The following RPS6KC1 variants were observed in gnomAD, a reference collection of about 807,000 sequenced individuals.
The protein encoded by RPS6KC1 is inactive ribosomal protein S6 kinase delta-1.
In RPS6KC1, 54 loss-of-function variants were observed where a neutral mutation model predicts 103.8. The observed-to-expected ratio is 0.52, with a 90% CI of 0.42 to 0.65. The LOEUF (loss-of-function observed/expected upper bound fraction) is 0.65. Among genes scored for constraint, RPS6KC1 ranks in the 30% least tolerant of loss-of-function variants. The pLI, the probability that RPS6KC1 is intolerant of heterozygous loss-of-function variation, is 0.00. For synonymous variants in RPS6KC1, 439 were observed against 438.7 expected (o/e 1.00, Z -0.01); for missense variants, 1,151 against 1,253.8 (o/e 0.92, Z 1.24).
At chr1:213,782,735 T>A in the RPS6KC1 span, among the ~76,000 whole-genome samples, 3 of 152,100 alleles carry the variant, frequency 2.0e-5, no homozygotes, top group Non-Finnish European at 4.4e-5. Context: ...AACGAGGTCA[T>A]TTCATGAAAG....
the RPS6KC1 span, among the ~76,000 whole-genome samples, chr1:213,798,639 G>A: frequency 6.6e-6 from 1 of 152,094 alleles, no homozygotes; most frequent in Non-Finnish European, 1.5e-5. Context: ...GTCTTGTTTG[G>A]GCAGAAGAGG....
At chr1:213,545,337 C>A in the RPS6KC1 span, among the ~76,000 whole-genome samples, 1 of 150,436 alleles carries the variant, frequency 6.6e-6, no homozygotes, top group Admixed American at 6.6e-5. Context: ...GGCCACTGCA[C>A]TCCAGCCTGG....
chr1:213,740,513 C>T, the RPS6KC1 span, among the ~76,000 whole-genome samples: 3 of 152,032 alleles, frequency 2.0e-5, no homozygotes, highest in Admixed American at 6.6e-5. Context: ...GATTCAGCTT[C>T]GTCCTTGGAC....
the RPS6KC1 span, among the ~76,000 whole-genome samples, chr1:213,737,308 G>T: frequency 6.6e-6 from 1 of 152,154 alleles, no homozygotes; most frequent in East Asian, 1.9e-4. Context: ...TTGGGGGGTT[G>T]TTGTTTGTTT....
chr1:213,264,519 C>T (rs7530520), intron 14 of RPS6KC1, among the ~76,000 whole-genome samples: 149,127 of 152,264 alleles, frequency 0.98, 73,103 homozygotes, highest in East Asian at 1. Flanking sequence ...TAATAAGTTA[C>T]CAAGTTCTGC....
intron 3 of RPS6KC1, among the ~76,000 whole-genome samples, chr1:213,084,730 A>G (rs895768965): frequency 2.6e-5 from 4 of 151,980 alleles, no homozygotes; most frequent in East Asian, 3.8e-4. Flanking sequence ...TGTTTTCATT[A>G]TATTGGCATT....
the RPS6KC1 span, among the ~76,000 whole-genome samples, chr1:213,768,270 A>T: frequency 6.6e-6 from 1 of 152,198 alleles, no homozygotes; most frequent in African/African-American, 2.4e-5. Context: ...TTTCAGCAGG[A>T]CCAAGACTGG....
chr1:213,394,550 G>A, the RPS6KC1 span, among the ~76,000 whole-genome samples: 3 of 151,954 alleles, frequency 2.0e-5, no homozygotes, highest in South Asian at 2.1e-4. Flanking sequence ...ACTGCTCTAC[G>A]CCTTATAGAG....
the RPS6KC1 span, among the ~76,000 whole-genome samples, chr1:213,814,350 T>G: frequency 6.6e-6 from 1 of 152,222 alleles, no homozygotes; most frequent in Non-Finnish European, 1.5e-5. Flanking sequence ...AAGGGCCAAC[T>G]TGCTGGGCAT....
the RPS6KC1 span, among the ~76,000 whole-genome samples, chr1:213,610,461 CGAG>C: frequency 1.3e-5 from 2 of 152,042 alleles, no homozygotes; most frequent in East Asian, 1.9e-4. Flanking sequence ...TTTGCAAGAG[CGAG>C]GAGGAGATTT....
intron 5 of RPS6KC1, among the ~76,000 whole-genome samples, chr1:213,126,316 CAG>C (rs1428006432): frequency 3.9e-5 from 6 of 151,996 alleles, no homozygotes; most frequent in African/African-American, 1.4e-4. Flanking sequence ...GCTGAAATGT[CAG>C]AGGACTGAAA....
chr1:213,612,514 G>A, the RPS6KC1 span, among the ~76,000 whole-genome samples: 10 of 152,148 alleles, frequency 6.6e-5, no homozygotes, highest in Non-Finnish European at 1.5e-4. Flanking sequence ...GAGATTAATG[G>A]CTACCTTCCA....
chr1:213,845,621 G>C, the RPS6KC1 span, among the ~76,000 whole-genome samples: 1 of 152,082 alleles, frequency 6.6e-6, no homozygotes, highest in South Asian at 2.1e-4. Flanking sequence ...TAAGAATCTT[G>C]TTATGTGAAG....
At chr1:213,198,015 C>CT (rs1487156581) in intron 8 of RPS6KC1, among the ~76,000 whole-genome samples, 9 of 151,658 alleles carry the variant, frequency 5.9e-5, no homozygotes, top group South Asian at 4.2e-4. Flanking sequence ...AAACCATGGC[C>CT]TTTTTTTTCA....
At chr1:213,705,510 C>G in the RPS6KC1 span, among the ~76,000 whole-genome samples, 1 of 152,194 alleles carries the variant, frequency 6.6e-6, no homozygotes, top group Non-Finnish European at 1.5e-5. Context: ...GGGACTCACC[C>G]TTCAGGCAGT....
chr1:213,303,036 A>C, the RPS6KC1 span, among the ~76,000 whole-genome samples: 1 of 152,140 alleles, frequency 6.6e-6, no homozygotes, highest in African/African-American at 2.4e-5. Context: ...GGGCACACTA[A>C]AGATTTGAGT....
chr1:213,711,116 A>T, the RPS6KC1 span, among the ~76,000 whole-genome samples: 2 of 152,188 alleles, frequency 1.3e-5, no homozygotes, highest in Admixed American at 6.5e-5. Context: ...ATGTTTTCCA[A>T]CTTGGTTCCA....
chr1:213,421,443 T>G, the RPS6KC1 span, among the ~76,000 whole-genome samples: 3,055 of 152,266 alleles, frequency 0.02, 100 homozygotes, highest in African/African-American at 0.07. Flanking sequence ...GAGGACACAA[T>G]TAAATCCTAA....
the RPS6KC1 span, among the ~76,000 whole-genome samples, chr1:213,389,107 A>T: frequency 1.3e-5 from 2 of 151,274 alleles, no homozygotes; most frequent in Admixed American, 1.3e-4. Flanking sequence ...GTTTGAATGG[A>T]AGTGGCTGGA....
Sources: gnomAD v4.1 joint callset for allele counts (sites outside exome capture counted in the v4.1 genomes callset) on GRCh38, gnomAD v4.1.1 for gene constraint, MANE v1.5 for transcripts, NCBI Gene and HGNC (gene_info 2026-07-23, HGNC 2026-07-21) for gene names.